Variants in TMEM74 observed in about 807,000 individuals in gnomAD.
The protein encoded by TMEM74 is transmembrane protein 74.
A neutral mutation model predicts 18.1 loss-of-function variants in TMEM74; 13 were observed. The ratio of observed to expected loss-of-function variants is 0.72; its 90% CI spans 0.47 to 1.14. The LOEUF (loss-of-function observed/expected upper bound fraction) is 1.14. Among genes scored for constraint, TMEM74 ranks in the 50% most tolerant of loss-of-function variants. TMEM74 has a pLI of 0.00. For missense variants in TMEM74, 372 were observed against 375.9 expected, an observed-to-expected ratio of 0.99 and a Z score of 0.09; for synonymous variants, 159 against 146.6, an observed-to-expected ratio of 1.08 and a Z score of -0.61.
At chr8:108,702,375 T>G (rs549615803) in intron 1 of TMEM74, among the ~76,000 whole-genome samples, 14 of 141,104 alleles carry the variant, frequency 9.9e-5, no homozygotes, top group Admixed American at 9.8e-4. Context: ...AAGAAAAGCC[T>G]CAAAATAAAC....
At chr8:108,734,937 C>A (rs886613947) in intron 1 of TMEM74, among the ~76,000 whole-genome samples, 3 of 152,188 alleles carry the variant, frequency 2.0e-5, no homozygotes, top group African/African-American at 7.2e-5. Context: ...ACTTGTAGTT[C>A]AATGGCATAG....
chr8:108,653,023 C>T (rs1350560491), intron 2 of TMEM74: 1 of 190,770 alleles, frequency 5.2e-6, no homozygotes, highest in African/African-American at 2.4e-5. Flanking sequence ...TTAGAATACA[C>T]TCTTGAAGAT....
chr8:108,668,509 A>T (rs529386550), intron 1 of TMEM74, among the ~76,000 whole-genome samples: 5 of 152,262 alleles, frequency 3.3e-5, no homozygotes, highest in African/African-American at 1.2e-4. Flanking sequence ...TACTACTACT[A>T]TTGGTAATTC....
At chr8:108,653,891 A>G (rs1052764749) in intron 2 of TMEM74, among the ~76,000 whole-genome samples, 1 of 152,028 alleles carries the variant, frequency 6.6e-6, no homozygotes, top group Middle Eastern at 3.4e-3. Flanking sequence ...TTATTTGTCA[A>G]TTTTCTAAAA....
intron 1 of TMEM74, among the ~76,000 whole-genome samples, chr8:108,748,581 T>C (rs933580782): frequency 2.0e-5 from 3 of 152,068 alleles, no homozygotes; most frequent in Non-Finnish European, 4.4e-5. Context: ...TTAGATCCCA[T>C]TTGTCAATTT....
At chr8:108,608,398 C>T (rs1446744474) in intron 3 of TMEM74, among the ~76,000 whole-genome samples, 1 of 151,968 alleles carries the variant, frequency 6.6e-6, no homozygotes, top group Non-Finnish European at 1.5e-5. Context: ...ATCTTATTCC[C>T]ACCTACTAAA....
chr8:108,636,144 T>C (rs904833798), intron 2 of TMEM74, among the ~76,000 whole-genome samples: 6 of 152,000 alleles, frequency 3.9e-5, no homozygotes, highest in Non-Finnish European at 7.4e-5. Context: ...TAGTACCTAT[T>C]TGAGTAAGTG....
intron 2 of TMEM74, among the ~76,000 whole-genome samples, chr8:108,612,973 T>C (rs1812347858): frequency 1.3e-5 from 2 of 152,174 alleles, no homozygotes; most frequent in African/African-American, 4.8e-5. Context: ...TTGCCACTTC[T>C]GCCACTTTGC....
intron 2 of TMEM74, among the ~76,000 whole-genome samples, chr8:108,634,422 C>G (rs1376932186): frequency 1.3e-5 from 2 of 151,980 alleles, no homozygotes; most frequent in African/African-American, 4.8e-5. Context: ...TACTCCTCCT[C>G]TCTCCCAACA....
downstream of TMEM74, among the ~76,000 whole-genome samples, chr8:108,776,008 G>A (rs547879581): frequency 1.2e-4 from 19 of 152,298 alleles, no homozygotes; most frequent in African/African-American, 4.6e-4. Flanking sequence ...TGTGAACAAG[G>A]TTCAATAAAA....
chr8:108,707,294 C>T (rs754544616), intron 1 of TMEM74, among the ~76,000 whole-genome samples: 1 of 151,652 alleles, frequency 6.6e-6, no homozygotes, highest in Non-Finnish European at 1.5e-5. Flanking sequence ...TGTAACAAAC[C>T]TGCATGTTGT....
At chr8:108,652,637 G>T (rs1812785854) in intron 2 of TMEM74, 1 of 628,322 alleles carries the variant, frequency 1.6e-6, no homozygotes, top group South Asian at 1.6e-5. Context: ...GCAAAAGAAA[G>T]CAAGAAAAAG....
chr8:108,623,968 A>G (rs1007990393), intron 2 of TMEM74, among the ~76,000 whole-genome samples: 2 of 152,080 alleles, frequency 1.3e-5, no homozygotes, highest in African/African-American at 4.8e-5. Context: ...TCTTATTCTT[A>G]TCTGAAAACT....
intron 1 of TMEM74, among the ~76,000 whole-genome samples, chr8:108,735,925 T>C (rs1163268945): frequency 1.3e-5 from 2 of 152,184 alleles, no homozygotes; most frequent in Non-Finnish European, 2.9e-5. Flanking sequence ...TTTTCTTGCC[T>C]ACATACCCCA....
At chr8:108,611,925 A>T (rs1812338211) in intron 2 of TMEM74, among the ~76,000 whole-genome samples, 2 of 152,228 alleles carry the variant, frequency 1.3e-5, no homozygotes, top group Admixed American at 1.3e-4. Context: ...AAGCCTCAGG[A>T]AACTTACAAT....
At chr8:108,699,225 T>G in intron 1 of TMEM74, among the ~76,000 whole-genome samples, 1 of 119,196 alleles carries the variant, frequency 8.4e-6, no homozygotes, top group Non-Finnish European at 1.8e-5. Context: ...CCCTCCCTCC[T>G]TCTCTCCCTC....
At chr8:108,670,441 C>T (rs750919145) in intron 1 of TMEM74, among the ~76,000 whole-genome samples, 51 of 152,122 alleles carry the variant, frequency 3.4e-4, no homozygotes, top group Non-Finnish European at 4.1e-4. Flanking sequence ...TTTAGATCAT[C>T]GATGGAATTT....
At position 108,624,514 on chromosome 8, in the gene TMEM74, A is replaced by G. The variant is rs114178029; in HGVS notation, n.265-15688T>C. Among the ~76,000 whole-genome samples, 183 of 152,246 alleles carry G rather than the reference A, an allele frequency of 1.2e-3. 1 individual carries two copies. Among genetic ancestry groups the G allele is most frequent in the African/African-American group, 4.0e-3 (166 of 41,580 alleles). ...TCCTTAAAGAAAATTTGTGGATTCC[A>G]GAATGCTGTCCTCTGACATGTCAAA... On this transcript the variant is annotated intron_variant and non_coding_transcript_variant, in intron 2 of 3. Transcript: ENST00000518838.
chr8:108,745,504 TACAGAA>T (rs1269758110), intron 1 of TMEM74, among the ~76,000 whole-genome samples: 1 of 152,180 alleles, frequency 6.6e-6, no homozygotes, highest in Non-Finnish European at 1.5e-5. Context: ...CTCCTGGTCA[TACAGAA>T]ACAGGTGCTG....
Sources: gnomAD v4.1 joint callset for allele counts (sites outside exome capture counted in the v4.1 genomes callset) on GRCh38, gnomAD v4.1.1 for gene constraint, MANE v1.5 for transcripts, NCBI Gene and HGNC (gene_info 2026-07-23, HGNC 2026-07-21) for gene names.